MIGA2: variants seen among roughly 807,000 people sequenced by gnomAD.
MIGA2 encodes mitoguardin 2, also known as family with sequence similarity 73, member B.
A neutral mutation model predicts 69.9 loss-of-function variants in MIGA2; 36 were observed. The observed-to-expected ratio is 0.52, with a 90% CI of 0.39 to 0.68. MIGA2 has a LOEUF of 0.68. Among genes scored for constraint, MIGA2 ranks in the 30% least tolerant of loss-of-function variants. The pLI, the probability that MIGA2 is intolerant of heterozygous loss-of-function variation, is 0.00. For synonymous variants in MIGA2, 333 were observed against 349.2 expected, an observed-to-expected ratio of 0.95 and a Z score of 0.52; for missense variants, 660 against 787.7, an observed-to-expected ratio of 0.84 and a Z score of 1.94.
intron 6 of MIGA2, 30 bp downstream of exon 6, chr9:129,049,993 C>A: frequency 6.3e-7 from 1 of 1,592,736 alleles, no homozygotes; most frequent in Non-Finnish European, 8.6e-7. Flanking sequence ...CCCCTACGCC[C>A]ATGGGATAAA....
chr9:129,059,536 C>G lies in MIGA2; in HGVS notation c.793+265C>G, dbSNP rs1845959054. ...CCTGGCTCCATCCTCTTGGGTGCAG[C>G]CTTGGGGTTCGTGTGGCAGCATCTC... is the stretch of plus-strand genomic sequence containing the variant. On this transcript the variant is annotated intron_variant, in intron 7 of 15. Coordinates refer to ENST00000684074, the MANE Select transcript of MIGA2 (RefSeq NM_001329990.2). The surrounding 1 kb of genome is among the most constrained non-coding windows in gnomAD (Gnocchi z 5.6). Among the ~76,000 whole-genome samples, 1 of 152,166 alleles carries G rather than the reference C, an allele frequency of 6.6e-6. No individual in the cohort carries two copies.
intron 11 of MIGA2, among the ~76,000 whole-genome samples, chr9:129,064,868 C>T (rs1400732448): frequency 2.6e-5 from 4 of 151,714 alleles, no homozygotes; most frequent in African/African-American, 9.7e-5. Flanking sequence ...CCGCAACCTC[C>T]ACCTCCCGGG....
intron 11 of MIGA2, among the ~76,000 whole-genome samples, chr9:129,067,296 A>G (rs1471819063): frequency 6.6e-6 from 1 of 152,230 alleles, no homozygotes; most frequent in Non-Finnish European, 1.5e-5. Context: ...ATGTGTGCCG[A>G]GAGCCTCCGT....
At chr9:129,042,984 G>A (rs1219645625) in intron 3 of MIGA2, among the ~76,000 whole-genome samples, 1 of 152,162 alleles carries the variant, frequency 6.6e-6, no homozygotes, top group East Asian at 1.9e-4. Flanking sequence ...CACAAGGTTA[G>A]GAGATCGAGG....
At chr9:129,066,074 C>G (rs1846325257) in intron 11 of MIGA2, among the ~76,000 whole-genome samples, 1 of 152,220 alleles carries the variant, frequency 6.6e-6, no homozygotes, top group Admixed American at 6.5e-5. Context: ...GCAGTGAGCT[C>G]AGTGTATACT....
Position 129,061,601 on chromosome 9 carries a change from C to A in MIGA2, c.1010+255C>A, listed in dbSNP as rs1185513796. Among the ~76,000 whole-genome samples, 2 of 152,064 alleles carry A rather than the reference C, an allele frequency of 1.3e-5. No individual in the cohort carries two copies. The highest frequency in any genetic ancestry group is 2.9e-5 in the Non-Finnish European group (2 of 68,014). ...ATTAATAAAGAACAATAGTTACTACCAGTTCTAAATTCTGAGAGAGTGTAT... is the reference window on the plus strand; with the variant it reads ...ATTAATAAAGAACAATAGTTACTACAAGTTCTAAATTCTGAGAGAGTGTAT... On this transcript the variant is annotated intron_variant, in intron 9 of 15. Transcript: ENST00000684074. This position sits in a 1 kb window ranked among gnomAD's most constrained non-coding sequence, Gnocchi z 5.0.
chr9:129,063,886 TC>T (rs1564617795), intron 11 of MIGA2, among the ~76,000 whole-genome samples: 1 of 152,210 alleles, frequency 6.6e-6, no homozygotes, highest in Non-Finnish European at 1.5e-5. Context: ...GGAGGGGTTT[TC>T]CCCAGCTGCG....
In MIGA2 at chr9:129,070,437, TG is replaced by T. The variant is rs1002381861; in HGVS notation, c.1771del (p.Glu591SerfsTer36). On this transcript the variant is annotated frameshift_variant, in exon 16 of 16. Transcript: ENST00000684074. LOFTEE classifies it high-confidence loss of function. ...GCGCTGCCCCGAGAGAATGGGCCCC[TG>T]GGGGAGCTGCAGTAGAGGCGGCACG... Reference protein sequence around the residue: ...NGALPRENGPLGELQ With the variant: ...NGALPRENGPXGELQ 8.8e-6 allele frequency: 14 copies of T among 1,587,328 alleles called. No homozygotes were observed. In the Admixed American group the frequency reaches 1.6e-4, roughly 18 times the overall value.
At chr9:129,051,033 G>A (rs1189629957) in intron 6 of MIGA2, among the ~76,000 whole-genome samples, 2 of 151,106 alleles carry the variant, frequency 1.3e-5, no homozygotes, top group African/African-American at 4.9e-5. Flanking sequence ...GCCACCCCAT[G>A]TGGCTAATTT....
At chr9:129,062,055 T>G (rs1846094216) in intron 9 of MIGA2, among the ~76,000 whole-genome samples, 1 of 150,424 alleles carries the variant, frequency 6.6e-6, no homozygotes, top group Non-Finnish European at 1.5e-5. Flanking sequence ...TTTTTTTTTT[T>G]TGTATTTTTA....
rs1340002185 is a variant in MIGA2, at chr9:129,059,368, G to A, written c.793+97G>A. On this transcript the variant is annotated intron_variant, in intron 7 of 15. Transcript: ENST00000684074. The surrounding 1 kb of genome is among the most constrained non-coding windows in gnomAD (Gnocchi z 5.6). ...AACCGGGTCGTGGTTCTCTCAGTGC[G>A]TCCAATGAATCAGAATCCCCAGGGC... 6.6e-6 allele frequency: 6 copies of A among 907,820 alleles called. No individual in the cohort carries two copies. Among genetic ancestry groups the A allele is most frequent in the East Asian group, 2.7e-5 (1 of 37,378 alleles). The allele number at this position is 907,820 out of a possible 1,614,324, so 56.2% of individuals were successfully genotyped here.
Position 129,070,268 on chromosome 9 carries a change from A to C in MIGA2, c.1597A>C (p.Arg533=), listed in dbSNP as rs1034107228. ...CCAGCACCAGATTGTGCAGTACCTG[A>C]GGGACATGTTCGACCTGGACAATGT... ...FFKHQIVQYL[R]DMFDLDNVRY... Residue 533 remains arginine (R), a synonymous_variant, in exon 16 of 16, where the codon AGG becomes CGG. Transcript: ENST00000684074. 1.2e-6 allele frequency: 2 copies of C among 1,612,896 alleles called. No individual in the cohort carries two copies. Among genetic ancestry groups the C allele is most frequent in the African/African-American group, 2.7e-5 (2 of 74,936 alleles).
chr9:129,066,673 A>AG (rs1157149558), intron 11 of MIGA2, among the ~76,000 whole-genome samples: 1 of 146,224 alleles, frequency 6.8e-6, no homozygotes, highest in East Asian at 2.0e-4. Flanking sequence ...AAAAAAAAAA[A>AG]GAAAGGCTGG....
rs117022779 is a variant in MIGA2, at chr9:129,049,415, C to T, written c.455C>T (p.Ala152Val). 4,735 of 1,613,464 alleles carry T rather than the reference C, an allele frequency of 2.9e-3. 10 individuals carry two copies. Among genetic ancestry groups the T allele is most frequent in the Non-Finnish European group, 3.8e-3 (4,488 of 1,179,728 alleles). ...MAVNSSSPTA[A>V]CSGLWDARGM... is the part of the protein sequence containing the mutation. ...GTGAACTCATCCAGCCCCACAGCCG[C>T]GTGCTCGGGACTATGGGATGCCAGA... The change falls in exon 5 of 16, where the codon GCG (alanine) becomes GTG (valine). Residue 152 changes from alanine to valine, a missense_variant. Physicochemically the swap from Ala to Val is moderately conservative, Grantham distance 64 (BLOSUM62 0). Coordinates refer to ENST00000684074, the MANE Select transcript of MIGA2 (RefSeq NM_001329990.2).
intron 6 of MIGA2, among the ~76,000 whole-genome samples, chr9:129,050,636 A>G (rs1845477086): frequency 6.7e-6 from 1 of 150,350 alleles, no homozygotes; most frequent in African/African-American, 2.5e-5. Context: ...CAGTGGCGCA[A>G]TCTTGGCTCT....
intron 12 of MIGA2, 82 bp downstream of exon 12, chr9:129,067,953 C>T (rs1846449912): frequency 1.4e-6 from 2 of 1,476,374 alleles, no homozygotes; most frequent in Non-Finnish European, 1.9e-6. Flanking sequence ...CGAGCTCTAG[C>T]TCAGTTCCAA....
In MIGA2 at chr9:129,069,663, A is replaced by G. The variant is rs1387367229; in HGVS notation, c.1459-186A>G. 4 of 624,534 alleles carry G rather than the reference A, an allele frequency of 6.4e-6. No individual in the cohort carries two copies. In the Admixed American group the frequency reaches 7.4e-5, roughly 12 times the overall value. 38.7% of individuals were successfully genotyped at this position (624,534 alleles called of 1,614,324 possible). A position where few individuals can be genotyped will look rare whatever the true frequency, so the allele number is the denominator to read the frequency against. ...CCTCTTGCAGTACTCACAGCGGCCC[A>G]TGGTTACCCTGTCTGCAGAAGTTAA... On this transcript the variant is annotated intron_variant, in intron 14 of 15. Coordinates refer to ENST00000684074, the MANE Select transcript of MIGA2 (RefSeq NM_001329990.2). The surrounding 1 kb of genome is among the most constrained non-coding windows in gnomAD (Gnocchi z 4.9).
At position 129,059,043 on chromosome 9, in the gene MIGA2, G is replaced by C; in HGVS notation, c.676-111G>C. 2 of 868,322 alleles carry C rather than the reference G, an allele frequency of 2.3e-6. No individual in the cohort carries two copies. Among genetic ancestry groups the C allele is most frequent in the Non-Finnish European group, 3.7e-6 (2 of 543,578 alleles). 53.8% of individuals were successfully genotyped at this position (868,322 alleles called of 1,614,324 possible). On this transcript the variant is annotated intron_variant, in intron 6 of 15. Coordinates refer to ENST00000684074, the MANE Select transcript of MIGA2 (RefSeq NM_001329990.2). The surrounding 1 kb of genome is among the most constrained non-coding windows in gnomAD (Gnocchi z 5.6). ...AGTTTTGGAGTTTATGTGCTTAGCT[G>C]CTGGGTCCTAGAGCTCCTCCCCTTT...
intron 9 of MIGA2, 120 bp from the exon 10 acceptor site, chr9:129,063,124 C>A: frequency 1.0e-6 from 1 of 993,366 alleles, no homozygotes; most frequent in Non-Finnish European, 1.5e-6. Flanking sequence ...CACTGCCAGG[C>A]TGAGGCAGGG....
Sources: gnomAD v4.1 joint callset for allele counts (sites outside exome capture counted in the v4.1 genomes callset) on GRCh38, gnomAD v4.1.1 for gene constraint, Gnocchi (gnomAD v3.1) non-coding constraint, MANE v1.5 for transcripts, NCBI Gene and HGNC (gene_info 2026-07-23, HGNC 2026-07-21) for gene names.